Variants in PTPN9 observed in about 807,000 individuals in gnomAD.
PTPN9 encodes the protein tyrosine-protein phosphatase non-receptor type 9.
A neutral mutation model predicts 69.8 loss-of-function variants in PTPN9; 26 were observed. That is an observed-to-expected ratio of 0.37 (90% CI 0.27 to 0.52). PTPN9 has a LOEUF of 0.52. Among genes scored for constraint, PTPN9 ranks in the 20% least tolerant of loss-of-function variants. The probability of loss-of-function intolerance (pLI) is 0.91; values close to 1 mark genes in which losing one functional copy is unlikely to be tolerated. For synonymous variants in PTPN9, 274 were observed against 272.5 expected, an observed-to-expected ratio of 1.01 and a Z score of -0.05; for missense variants, 549 against 740.3, an observed-to-expected ratio of 0.74 and a Z score of 3.00.
chr15:75,497,889 TA>T (rs1166073169), intron 7 of PTPN9, among the ~76,000 whole-genome samples: 1 of 151,784 alleles, frequency 6.6e-6, no homozygotes, highest in East Asian at 1.9e-4. Flanking sequence ...TAGTTGTCTG[TA>T]AAATCTTAAA....
intron 8 of PTPN9, chr15:75,480,679 C>T (rs951941342): frequency 1.7e-5 from 21 of 1,263,432 alleles, no homozygotes; most frequent in Non-Finnish European, 2.0e-5. Flanking sequence ...GAGCCGCTGC[C>T]GCGACCGACC....
At chr15:75,562,964 C>T (rs2075111189) in intron 1 of PTPN9, among the ~76,000 whole-genome samples, 1 of 151,892 alleles carries the variant, frequency 6.6e-6, no homozygotes, top group African/African-American at 2.4e-5. Context: ...TCAGGGGGTA[C>T]ATGTGCAGGT....
intron 1 of PTPN9, among the ~76,000 whole-genome samples, chr15:75,575,788 G>C (rs928048102): frequency 6.6e-6 from 1 of 150,860 alleles, no homozygotes. Flanking sequence ...GCGTGGTGGC[G>C]GGCGCCTGTA....
chr15:75,495,669 A>G (rs1165838604), intron 7 of PTPN9, among the ~76,000 whole-genome samples: 1 of 152,144 alleles, frequency 6.6e-6, no homozygotes, highest in East Asian at 1.9e-4. Flanking sequence ...GTGAGCCGAG[A>G]TCGCGCCACT....
chr15:75,505,987 G>A lies in PTPN9; in HGVS notation c.656C>T (p.Thr219Ile), dbSNP rs1441610912. 1.2e-6 allele frequency: 2 copies of A among 1,611,488 alleles called. No individual in the cohort carries two copies. The highest frequency in any genetic ancestry group is 1.7e-6 in the Non-Finnish European group (2 of 1,177,914). The stretch of plus-strand genomic sequence containing the variant: ...GGGCAGATGCTGCGTGACCTCAGAT[G>A]TCTTTAATATTTGAATCTGGAAGGT... ...KVRERIQILK[T>I]SEVTQHLPRE... is the part of the protein sequence containing the mutation. The change falls in exon 7 of 13, where the codon ACA (threonine) becomes ATA (isoleucine). Residue 219 changes from threonine (T) to isoleucine (I), a missense_variant. Thr to Ile is a moderately conservative substitution (Grantham distance 89). Coordinates refer to ENST00000618819, the MANE Select transcript of PTPN9 (RefSeq NM_002833.4).
At chr15:75,511,999 C>G (rs895111484) in intron 5 of PTPN9, among the ~76,000 whole-genome samples, 2 of 151,956 alleles carry the variant, frequency 1.3e-5, no homozygotes, top group Non-Finnish European at 2.9e-5. Flanking sequence ...TGTGCCATCA[C>G]GCCTGGCTAA....
intron 1 of PTPN9, among the ~76,000 whole-genome samples, chr15:75,563,820 G>C (rs2075115004): frequency 6.6e-6 from 1 of 152,094 alleles, no homozygotes; most frequent in Non-Finnish European, 1.5e-5. Context: ...CAAGGATAGA[G>C]AGCTCCAACC....
At chr15:75,534,940 T>G (rs2141326866) in intron 1 of PTPN9, among the ~76,000 whole-genome samples, 1 of 151,880 alleles carries the variant, frequency 6.6e-6, no homozygotes, top group South Asian at 2.1e-4. Context: ...GTCATTGTAC[T>G]CCAGCCTGGG....
intron 1 of PTPN9, among the ~76,000 whole-genome samples, chr15:75,567,807 T>C (rs745554976): frequency 1.2e-4 from 18 of 151,588 alleles, no homozygotes; most frequent in Non-Finnish European, 2.7e-4. Context: ...CCGTCCTGAC[T>C]AACACGGTGA....
intron 1 of PTPN9, among the ~76,000 whole-genome samples, chr15:75,533,719 A>G (rs796850400): frequency 2.0e-5 from 3 of 152,338 alleles, no homozygotes; most frequent in African/African-American, 7.2e-5. Flanking sequence ...AAAGCTGTCA[A>G]TTAAGCAGGG....
At chr15:75,560,185 C>T (rs1435356373) in intron 1 of PTPN9, among the ~76,000 whole-genome samples, 3 of 151,628 alleles carry the variant, frequency 2.0e-5, no homozygotes, top group Admixed American at 6.6e-5. Flanking sequence ...TCCATAATAA[C>T]GTTGTTTTAC....
chr15:75,529,256 A>T (rs2074944467), intron 1 of PTPN9, among the ~76,000 whole-genome samples: 1 of 152,072 alleles, frequency 6.6e-6, no homozygotes, highest in African/African-American at 2.4e-5. Context: ...AAGTGCTGGG[A>T]TTACAGGTGT....
At chr15:75,470,478 T>C (rs186107203) in intron 11 of PTPN9, among the ~76,000 whole-genome samples, 25 of 152,318 alleles carry the variant, frequency 1.6e-4, no homozygotes, top group Admixed American at 1.5e-3. Flanking sequence ...AATTATAAGC[T>C]TTACTCCTAT....
intron 1 of PTPN9, among the ~76,000 whole-genome samples, chr15:75,556,639 A>G (rs1385970475): frequency 1.3e-5 from 2 of 151,988 alleles, no homozygotes; most frequent in Non-Finnish European, 2.9e-5. Flanking sequence ...CAGTCTCCCA[A>G]AGTGCTGGGA....
chr15:75,497,599 G>T (rs1161950793), intron 7 of PTPN9, among the ~76,000 whole-genome samples: 1 of 151,938 alleles, frequency 6.6e-6, no homozygotes, highest in African/African-American at 2.4e-5. Flanking sequence ...TGAGGAGCTC[G>T]AGACCACTCT....
At chr15:75,520,415 A>AT (rs2141318770) in intron 4 of PTPN9, among the ~76,000 whole-genome samples, 1 of 151,810 alleles carries the variant, frequency 6.6e-6, no homozygotes, top group South Asian at 2.1e-4. Flanking sequence ...ATGCAGTAAG[A>AT]TTTTCACACT....
At chr15:75,537,990 C>G (rs915010408) in intron 1 of PTPN9, among the ~76,000 whole-genome samples, 5 of 151,836 alleles carry the variant, frequency 3.3e-5, no homozygotes, top group African/African-American at 9.7e-5. Context: ...ACCCAGGAGG[C>G]AGAGGTTGCA....
intron 1 of PTPN9, among the ~76,000 whole-genome samples, chr15:75,573,672 A>G (rs142391403): frequency 2.0e-3 from 310 of 152,344 alleles, no homozygotes; most frequent in African/African-American, 6.9e-3. Flanking sequence ...CTCTTCATTC[A>G]TTCTGCAAGT....
At chr15:75,479,035 A>G (rs997503975) in intron 9 of PTPN9, among the ~76,000 whole-genome samples, 2 of 152,160 alleles carry the variant, frequency 1.3e-5, no homozygotes, top group Non-Finnish European at 2.9e-5. Flanking sequence ...GAGGCTGGGC[A>G]TGGTGGCTCA....
Sources: gnomAD v4.1 joint callset for allele counts (sites outside exome capture counted in the v4.1 genomes callset) on GRCh38, gnomAD v4.1.1 for gene constraint, MANE v1.5 for transcripts, NCBI Gene and HGNC (gene_info 2026-07-23, HGNC 2026-07-21) for gene names.